ADAMTS9: variants seen among roughly 807,000 people sequenced by gnomAD.
ADAMTS9 encodes A disintegrin and metalloproteinase with thrombospondin motifs 9.
ADAMTS9 carries 107 observed loss-of-function variants against 257.1 expected under a neutral mutation model. The observed-to-expected ratio is 0.42, with a 90% CI of 0.36 to 0.49. The LOEUF (loss-of-function observed/expected upper bound fraction) is 0.49. Among genes scored for constraint, ADAMTS9 ranks in the 20% least tolerant of loss-of-function variants. The pLI is 0.03. For missense variants in ADAMTS9, 2,353 were observed against 2,469.1 expected (o/e 0.95, Z 1.00); for synonymous variants, 982 against 880.9 (o/e 1.11, Z -2.03).
chr3:64,679,153 C>G (rs1701694244), intron 3 of ADAMTS9, among the ~76,000 whole-genome samples: 1 of 152,130 alleles, frequency 6.6e-6, no homozygotes, highest in South Asian at 2.1e-4. Context: ...GTGTTTTTAA[C>G]AGGATTTGAC....
intron 28 of ADAMTS9, chr3:64,569,198 G>A (rs1337758621): frequency 6.6e-6 from 1 of 152,176 alleles, no homozygotes; most frequent in Non-Finnish European, 1.5e-5. Context: ...TTCAGATTAG[G>A]TTTCTCAGAA....
At position 64,542,033 on chromosome 3, in the gene ADAMTS9, G is replaced by C. The variant is rs1380226194; in HGVS notation, c.5065-63C>G. 16 of 1,604,122 alleles carry C rather than the reference G, an allele frequency of 1.0e-5. No individual in the cohort carries two copies. The East Asian group carries it at 3.1e-4, about 31-fold the overall frequency. ...ATGTGGGAGGCATAGGCTTCTGGTG[G>C]TGTGGAGCTCAGAGCCCTGATGTCA... is the stretch of plus-strand genomic sequence containing the variant. On this transcript the variant is annotated intron_variant, in intron 32 of 39. Transcript: ENST00000498707.
At chr3:64,535,853 C>T (rs1201702641) in intron 37 of ADAMTS9, among the ~76,000 whole-genome samples, 1 of 151,974 alleles carries the variant, frequency 6.6e-6, no homozygotes, top group Admixed American at 6.6e-5. Flanking sequence ...CCCCCTCCCC[C>T]CAAAATTTTC....
At chr3:64,552,575 C>CTTT (rs113655800) in intron 30 of ADAMTS9, among the ~76,000 whole-genome samples, 20 of 139,260 alleles carry the variant, frequency 1.4e-4, no homozygotes, top group Admixed American at 9.3e-4. Flanking sequence ...CTTTTCTTTC[C>CTTT]TTTTTTTTTT....
At chr3:64,665,249 G>A (rs550165789) in intron 3 of ADAMTS9, among the ~76,000 whole-genome samples, 10 of 152,242 alleles carry the variant, frequency 6.6e-5, no homozygotes, top group South Asian at 2.1e-4. Flanking sequence ...CTACTTTGGC[G>A]TCGATGCTCA....
chr3:64,620,619 T>C (rs1204543767), intron 19 of ADAMTS9, among the ~76,000 whole-genome samples: 1 of 152,200 alleles, frequency 6.6e-6, no homozygotes, highest in Non-Finnish European at 1.5e-5. Flanking sequence ...ATTGTTTGAA[T>C]ATCTCAGACA....
At chr3:64,589,359 C>G (rs916945215) in intron 28 of ADAMTS9, 3 of 152,206 alleles carry the variant, frequency 2.0e-5, no homozygotes, top group African/African-American at 7.2e-5. Context: ...GGAATATAAA[C>G]AGGAACCTAA....
chr3:64,657,363 G>A (rs902683947), intron 4 of ADAMTS9, among the ~76,000 whole-genome samples: 2 of 152,086 alleles, frequency 1.3e-5, no homozygotes, highest in African/African-American at 4.8e-5. Flanking sequence ...TTGAGGCAGG[G>A]TCTCACTCTG....
intron 32 of ADAMTS9, among the ~76,000 whole-genome samples, chr3:64,543,276 C>T (rs2106915555): frequency 6.6e-6 from 1 of 152,278 alleles, no homozygotes; most frequent in Non-Finnish European, 1.5e-5. Context: ...ATGAGGCCAG[C>T]ATCATTCTGA....
chr3:64,564,216 ACTC>A (rs1232663100), intron 29 of ADAMTS9, among the ~76,000 whole-genome samples: 1 of 151,736 alleles, frequency 6.6e-6, no homozygotes, highest in Non-Finnish European at 1.5e-5. Context: ...TTCACTCTGA[ACTC>A]CTGAGCTGGG....
chr3:64,594,383 G>A lies in ADAMTS9; in HGVS notation c.4231C>T (p.Arg1411Trp), dbSNP rs777954371. Residue 1411 changes from arginine (R) to tryptophan (W), a missense_variant, in exon 28 of 40, where the codon CGG becomes TGG. By Grantham distance (101) the Arg-to-Trp change is moderately radical (BLOSUM62 -3). Around this residue, in one of 3 missense-constraint regions of ADAMTS9, gnomAD observed 1,402 missense variants for 1,441.4 expected, o/e 0.97. Coordinates refer to ENST00000498707, the MANE Select transcript of ADAMTS9 (RefSeq NM_182920.2). ...GIRTRLVVCQRSNGERFPDLS... is the reference protein window; with the variant it reads ...GIRTRLVVCQWSNGERFPDLS... ...TCTGGAAACCGTTCACCGTTGGACC[G>A]CTGACAGACCACCAGTCTTGTTCTT... is the stretch of plus-strand genomic sequence containing the variant. 1.4e-5 allele frequency: 22 copies of A among 1,613,922 alleles called. No individual in the cohort carries two copies. The highest frequency in any genetic ancestry group is 1.6e-4 in the Middle Eastern group (1 of 6,080).
chr3:64,625,618 A>G (rs1489740829), intron 16 of ADAMTS9, among the ~76,000 whole-genome samples: 2 of 152,178 alleles, frequency 1.3e-5, no homozygotes, highest in Non-Finnish European at 2.9e-5. Context: ...CTAATCCAGC[A>G]CTTCATTTAC....
At chr3:64,653,362 A>C (rs1215728657) in intron 8 of ADAMTS9, among the ~76,000 whole-genome samples, 2 of 152,170 alleles carry the variant, frequency 1.3e-5, no homozygotes, top group Non-Finnish European at 2.9e-5. Flanking sequence ...TTATGTTCTA[A>C]ATATGAGGCA....
chr3:64,613,554 T>G, intron 21 of ADAMTS9, 45 bp from the exon 22 acceptor site: 2 of 1,575,660 alleles, frequency 1.3e-6, no homozygotes, highest in Non-Finnish European at 1.7e-6. Context: ...CTGATCAATG[T>G]GTTGTGGTTT....
chr3:64,518,394 G>T (rs114812179), intron 39 of ADAMTS9, among the ~76,000 whole-genome samples: 5 of 152,248 alleles, frequency 3.3e-5, no homozygotes, highest in African/African-American at 1.2e-4. Context: ...GAAGATGCAG[G>T]TGGGTCACAT....
chr3:64,541,028 A>C, intron 36 of ADAMTS9, 67 bp downstream of exon 36: 4 of 1,595,482 alleles, frequency 2.5e-6, no homozygotes, highest in South Asian at 2.3e-5. Context: ...CCAATGTGCA[A>C]GACATGCTTG....
At chr3:64,626,438 TTAAATG>T (rs1700222898) in intron 16 of ADAMTS9, among the ~76,000 whole-genome samples, 1 of 152,234 alleles carries the variant, frequency 6.6e-6, no homozygotes, top group East Asian at 1.9e-4. Flanking sequence ...TAGATTTTTC[TTAAATG>T]TAAATTGCTC....
intron 16 of ADAMTS9, among the ~76,000 whole-genome samples, chr3:64,623,967 T>C (rs1411226696): frequency 3.3e-5 from 5 of 151,932 alleles, no homozygotes; most frequent in African/African-American, 1.2e-4. Context: ...TGCCAAAATG[T>C]TGGCCAAATG....
intron 8 of ADAMTS9, among the ~76,000 whole-genome samples, chr3:64,652,917 G>A (rs1259781300): frequency 6.6e-6 from 1 of 152,074 alleles, no homozygotes; most frequent in Admixed American, 6.5e-5. Context: ...CACAAACTTT[G>A]TTTCATGCAT....
Sources: gnomAD v4.1 joint callset for allele counts (sites outside exome capture counted in the v4.1 genomes callset) on GRCh38, gnomAD v4.1.1 for gene constraint, gnomAD v4.1.1 regional missense constraint, MANE v1.5 for transcripts, NCBI Gene and HGNC (gene_info 2026-07-23, HGNC 2026-07-21) for gene names.